Variants in TTLL7 observed in about 807,000 individuals in gnomAD.
TTLL7 encodes tubulin tyrosine ligase like 7.
In TTLL7, 53 loss-of-function variants were observed where a neutral mutation model predicts 120.2. The observed-to-expected ratio is 0.44, with a 90% CI of 0.35 to 0.55. The LOEUF (loss-of-function observed/expected upper bound fraction) is 0.55, where lower values mean the gene tolerates loss of function less well. Ranked by LOEUF, TTLL7 falls within the 20% of genes least tolerant of loss-of-function variation. TTLL7 has a pLI of 0.00. For missense variants in TTLL7, 803 were observed against 1,054.7 expected (o/e 0.76, Z 3.31); for synonymous variants, 353 against 351.7 (o/e 1.00, Z -0.04).
At chr1:83,960,574 G>A (rs1275918519) in intron 1 of TTLL7, among the ~76,000 whole-genome samples, 1 of 152,010 alleles carries the variant, frequency 6.6e-6, no homozygotes, top group Non-Finnish European at 1.5e-5. Context: ...CAGTTTGAGG[G>A]GTGAGATTAT....
chr1:83,951,706 T>C lies in TTLL7; in HGVS notation c.157+139A>G, dbSNP rs140382294. The C allele has an allele frequency of 6.4e-4, 589 of 919,968 alleles. No individual in the cohort carries two copies. The African/African-American group carries it at 9.0e-3, about 14-fold the overall frequency. The allele number at this position is 919,968 out of a possible 1,614,324, so 57.0% of individuals were successfully genotyped here. A position where few individuals can be genotyped will look rare whatever the true frequency, so the allele number is the denominator to read the frequency against. On this transcript the variant is annotated intron_variant, in intron 3 of 20. Transcript: ENST00000260505. ...CAGAAAAAGAATCCTTCTAATATGT[T>C]AGAAATTTTATAGAAGGCATTTAAA...
intron 1 of TTLL7, chr1:83,979,225 G>C (rs1351878873): frequency 6.6e-6 from 1 of 152,166 alleles, no homozygotes; most frequent in Non-Finnish European, 1.5e-5. Flanking sequence ...TTCAAGAATA[G>C]TTTAGTAGGC....
Position 83,951,958 on chromosome 1 carries a change from G to A in TTLL7, c.44C>T (p.Pro15Leu), listed in dbSNP as rs1331675085. ...AGGTAATTCTGTATTCAAATCCAGGGGAGAGGGTCCCTGAATAACTTTAAA... is the reference window on the plus strand; with the variant it reads ...AGGTAATTCTGTATTCAAATCCAGGAGAGAGGGTCCCTGAATAACTTTAAA... ...PQEGVIQGPS[P>L]LDLNTELPYQ... Residue 15 changes from proline (P) to leucine (L), a missense_variant, in exon 3 of 21, where the codon CCC (proline) becomes CTC (leucine). Around this residue, in one of 3 missense-constraint regions of TTLL7, gnomAD observed 91 missense variants for 96.6 expected, o/e 0.94. Transcript: ENST00000260505. The A allele has an allele frequency of 6.2e-7, 1 of 1,606,852 alleles. No individual in the cohort carries two copies. Among genetic ancestry groups the A allele is most frequent in the Non-Finnish European group, 8.5e-7 (1 of 1,178,140 alleles).
chr1:83,889,917 C>T (rs767137728), intron 19 of TTLL7: 12 of 457,386 alleles, frequency 2.6e-5, no homozygotes, highest in Middle Eastern at 3.3e-4. Flanking sequence ...AAGCCATTTC[C>T]GAATAAAAGG....
At chr1:83,923,438 TATG>T (rs1658850257) in intron 10 of TTLL7, among the ~76,000 whole-genome samples, 1 of 151,832 alleles carries the variant, frequency 6.6e-6, no homozygotes, top group South Asian at 2.1e-4. Flanking sequence ...GATGAGATGA[TATG>T]ATGAGTATTC....
chr1:83,909,617 CAT>C (rs1295270468), intron 15 of TTLL7, among the ~76,000 whole-genome samples: 9 of 151,982 alleles, frequency 5.9e-5, no homozygotes, highest in South Asian at 4.1e-4. Context: ...ATAAAAAAGA[CAT>C]GTAATTAAAT....
intron 1 of TTLL7, among the ~76,000 whole-genome samples, chr1:83,959,424 A>T (rs1162983371): frequency 6.6e-6 from 1 of 152,226 alleles, no homozygotes; most frequent in Non-Finnish European, 1.5e-5. Context: ...TAATGACTGG[A>T]GGAGAAAGCA....
chr1:83,877,171 C>T (rs1159938827), intron 20 of TTLL7, among the ~76,000 whole-genome samples: 4 of 151,978 alleles, frequency 2.6e-5, no homozygotes, highest in African/African-American at 7.2e-5. Flanking sequence ...ATTACTGTAG[C>T]AAATTACACT....
At chr1:83,873,490 G>A (rs71652655) in intron 20 of TTLL7, among the ~76,000 whole-genome samples, 2,856 of 152,156 alleles carry the variant, frequency 0.019, 33 homozygotes, top group Middle Eastern at 0.041. Flanking sequence ...ACTAAAAAAT[G>A]GGAAAAGTTT....
intron 19 of TTLL7, among the ~76,000 whole-genome samples, chr1:83,887,588 G>C (rs554141420): frequency 2.6e-5 from 4 of 152,118 alleles, no homozygotes; most frequent in African/African-American, 9.6e-5. Flanking sequence ...GAGTCAAATC[G>C]GTCTCAAAAC....
chr1:83,977,438 G>GA (rs148574747), intron 1 of TTLL7, among the ~76,000 whole-genome samples: 21 of 148,732 alleles, frequency 1.4e-4, no homozygotes, highest in Non-Finnish European at 1.5e-4. Context: ...AAACATGGAG[G>GA]AAAAAAAAAA....
intron 18 of TTLL7, among the ~76,000 whole-genome samples, chr1:83,897,737 G>A (rs1656364547): frequency 2.0e-5 from 3 of 151,884 alleles, no homozygotes; most frequent in Admixed American, 2.0e-4. Context: ...ATCCACTAAA[G>A]TCTGAGGTTC....
chr1:83,904,091 TAC>T lies in TTLL7; in HGVS notation c.2194_2195del (p.Val732LysfsTer25), dbSNP rs754842025. On this transcript the variant is annotated frameshift_variant, in exon 18 of 21. Coordinates refer to ENST00000260505, the MANE Select transcript of TTLL7 (RefSeq NM_024686.6). LOFTEE classifies it high-confidence loss of function. Reference protein sequence around the residue: ...ASYWLIKLDSVKQRKVLDIVK... With the variant: ...ASYWLIKLDSXKQRKVLDIVK... The stretch of plus-strand genomic sequence containing the variant: ...GAGCATTACTCACTTTTCGTTGTTT[TAC>T]AGAGTCCAATTTTATGAGCCAATAT... 3 of 1,611,952 alleles carry T rather than the reference TAC, an allele frequency of 1.9e-6. No individual in the cohort carries two copies. The highest frequency in any genetic ancestry group is 1.7e-6 in the Non-Finnish European group (2 of 1,178,818).
intron 17 of TTLL7, among the ~76,000 whole-genome samples, chr1:83,905,121 CTATA>C (rs1657073257): frequency 6.6e-6 from 1 of 151,516 alleles, no homozygotes; most frequent in African/African-American, 2.4e-5. Flanking sequence ...AAGTCATTGG[CTATA>C]TATAGAAAAT....
chr1:83,910,054 C>T (rs1657543625), intron 15 of TTLL7, among the ~76,000 whole-genome samples: 1 of 152,078 alleles, frequency 6.6e-6, no homozygotes, highest in African/African-American at 2.4e-5. Context: ...TGAAATGGAA[C>T]ACAATACATT....
rs144367396 is a variant in TTLL7, at chr1:83,991,734, A to G, written c.-177+7197T>C. The stretch of plus-strand genomic sequence containing the variant: ...TTTGTGGAATGCCTACAATCACCCA[A>G]ATAATTATATAAATACTAAGATGTT... On this transcript the variant is annotated intron_variant, in intron 1 of 20. Transcript: ENST00000260505. Among the ~76,000 whole-genome samples, 591 of 152,236 alleles carry G rather than the reference A, an allele frequency of 3.9e-3. 4 individuals are homozygous for G. The highest frequency in any genetic ancestry group is 0.013 in the African/African-American group (556 of 41,550).
intron 18 of TTLL7, among the ~76,000 whole-genome samples, chr1:83,890,836 A>G (rs1297859697): frequency 6.6e-6 from 1 of 152,180 alleles, no homozygotes; most frequent in East Asian, 1.9e-4. Flanking sequence ...AAACTTCAGT[A>G]TATGACAGAG....
At position 83,968,117 on chromosome 1, in the gene TTLL7, T is replaced by A. The variant is rs149603777; in HGVS notation, c.-176-15730A>T. Among the ~76,000 whole-genome samples, 1,310 of 152,134 alleles carry A rather than the reference T, an allele frequency of 8.6e-3. 16 individuals are homozygous for A. The highest frequency in any genetic ancestry group is 0.03 in the African/African-American group (1,233 of 41,528). On this transcript the variant is annotated intron_variant, in intron 1 of 20. Transcript: ENST00000260505. ...TGCTGTGGGAGGAGACTGACTTAAT[T>A]TGGAGCAAAGTGTGAAATGCACCAT...
chr1:83,880,508 A>T lies in TTLL7; in HGVS notation c.2543+2455T>A, dbSNP rs551568403. Among the ~76,000 whole-genome samples the T allele has an allele frequency of 1.1e-4, 16 of 152,114 alleles. No homozygotes were observed. In the South Asian group the frequency reaches 3.3e-3, roughly 32 times the overall value. ...TACTCCCCAAGTTTTTTAAACAAAC[A>T]GATCAATTTCTAGGTGTTTTTAACA... is the stretch of plus-strand genomic sequence containing the variant. On this transcript the variant is annotated intron_variant, in intron 20 of 20. Coordinates refer to ENST00000260505, the MANE Select transcript of TTLL7 (RefSeq NM_024686.6).
Sources: gnomAD v4.1 joint callset for allele counts (sites outside exome capture counted in the v4.1 genomes callset) on GRCh38, gnomAD v4.1.1 for gene constraint, gnomAD v4.1.1 regional missense constraint, MANE v1.5 for transcripts, NCBI Gene and HGNC (gene_info 2026-07-23, HGNC 2026-07-21) for gene names.